Variants in LUC7L2 observed in about 807,000 individuals in gnomAD.
LUC7L2 encodes LUC7 like 2, pre-mRNA splicing factor.
Under a neutral mutation model 52.8 loss-of-function variants are expected in LUC7L2, and 25 were observed. The observed-to-expected ratio is 0.47, with a 90% confidence interval of 0.34 to 0.66. The LOEUF is 0.66. LUC7L2 is among the 30% of genes least tolerant of loss of function. The probability of loss-of-function intolerance (pLI) is 0.01; values close to 1 mark genes in which losing one functional copy is unlikely to be tolerated. For missense variants in LUC7L2, 328 were observed against 497.8 expected (o/e 0.66, Z 3.25); for synonymous variants, 144 against 160.9 (o/e 0.89, Z 0.80).
chr7:139,350,957 A>G (rs1416621022), intron 1 of LUC7L2, among the ~76,000 whole-genome samples: 2 of 152,162 alleles, frequency 1.3e-5, no homozygotes, highest in Non-Finnish European at 2.9e-5. Context: ...TACAGGTGTG[A>G]GCCACTGCGC....
chr7:139,420,314 T>C (rs1795838875), intron 9 of LUC7L2, among the ~76,000 whole-genome samples: 1 of 152,108 alleles, frequency 6.6e-6, no homozygotes, highest in Non-Finnish European at 1.5e-5. Context: ...AGCGATTCTT[T>C]TGCCTCGGCC....
intron 9 of LUC7L2, among the ~76,000 whole-genome samples, chr7:139,420,646 T>TACTC (rs1211090883): frequency 2.0e-5 from 3 of 152,256 alleles, no homozygotes; most frequent in Non-Finnish European, 4.4e-5. Flanking sequence ...TAGTAGTTGA[T>TACTC]ACTCATAGTT....
intron 2 of LUC7L2, among the ~76,000 whole-genome samples, chr7:139,381,815 A>G (rs1421357221): frequency 2.0e-5 from 3 of 150,078 alleles, no homozygotes; most frequent in African/African-American, 7.3e-5. Context: ...ACCTCAGGTG[A>G]TCTGCCCGCC....
At chr7:139,374,487 C>T in intron 1 of LUC7L2, 1 of 1,550,682 alleles carries the variant, frequency 6.4e-7, no homozygotes, top group Non-Finnish European at 8.7e-7. Flanking sequence ...TTATCGCTAA[C>T]TTTTCAGATG....
At chr7:139,374,995 C>G (rs899466343) in intron 1 of LUC7L2, 1 of 985,414 alleles carries the variant, frequency 1.0e-6, no homozygotes, top group Non-Finnish European at 1.2e-6. Context: ...ACCAATAGTT[C>G]TTGCTTCAGT....
At chr7:139,422,077 A>G (rs1206221034) in intron 9 of LUC7L2, 86 bp from the exon 10 acceptor site, 39 of 1,488,114 alleles carry the variant, frequency 2.6e-5, no homozygotes, top group African/African-American at 7.1e-5. Flanking sequence ...ATCTTCAGCT[A>G]TCAAGAGCTT....
chr7:139,361,715 A>G (rs1434280073), intron 1 of LUC7L2, among the ~76,000 whole-genome samples: 1 of 152,238 alleles, frequency 6.6e-6, no homozygotes, highest in Non-Finnish European at 1.5e-5. Flanking sequence ...TCACGTTTAG[A>G]TAAGAATGGT....
chr7:139,406,966 T>C (rs1253529428), intron 5 of LUC7L2, among the ~76,000 whole-genome samples: 1 of 150,428 alleles, frequency 6.6e-6, no homozygotes, highest in Non-Finnish European at 1.5e-5. Flanking sequence ...AAAGGGAACC[T>C]ATAATTTTCA....
chr7:139,350,279 G>A (rs879562162), intron 1 of LUC7L2, among the ~76,000 whole-genome samples: 259 of 151,686 alleles, frequency 1.7e-3, no homozygotes, highest in Non-Finnish European at 2.6e-3. Flanking sequence ...CCGCCACCAC[G>A]CCCGGCTAAT....
At chr7:139,396,098 C>CCTAA (rs955597673) in intron 2 of LUC7L2, among the ~76,000 whole-genome samples, 23 of 152,212 alleles carry the variant, frequency 1.5e-4, no homozygotes, top group African/African-American at 5.5e-4. Context: ...CTGGGAACTC[C>CCTAA]CTAACTCTGA....
chr7:139,400,086 GA>G (rs1171358904), intron 3 of LUC7L2, among the ~76,000 whole-genome samples: 4 of 152,110 alleles, frequency 2.6e-5, no homozygotes, highest in Non-Finnish European at 1.5e-5. Context: ...ATTGTTTTCA[GA>G]AATATAATTT....
intron 5 of LUC7L2, among the ~76,000 whole-genome samples, chr7:139,406,235 A>T (rs1199293219): frequency 6.6e-6 from 1 of 151,940 alleles, no homozygotes; most frequent in Non-Finnish European, 1.5e-5. Flanking sequence ...TATTTTTAGT[A>T]GAGACAGGGT....
chr7:139,414,754 C>A (rs1413370044), intron 8 of LUC7L2, among the ~76,000 whole-genome samples: 5 of 152,248 alleles, frequency 3.3e-5, no homozygotes, highest in Non-Finnish European at 7.3e-5. Flanking sequence ...GCACTCCTCT[C>A]TGAGATGACT....
At chr7:139,351,058 T>C (rs1320870202) in intron 1 of LUC7L2, among the ~76,000 whole-genome samples, 1 of 152,134 alleles carries the variant, frequency 6.6e-6, no homozygotes, top group African/African-American at 2.4e-5. Context: ...TTCCTCAGGG[T>C]CCAGACCAAG....
At chr7:139,365,409 C>T (rs542055688) in intron 1 of LUC7L2, among the ~76,000 whole-genome samples, 17 of 152,096 alleles carry the variant, frequency 1.1e-4, no homozygotes, top group South Asian at 6.2e-4. Context: ...CTTTTATTTT[C>T]GTTTAGGTTG....
intron 2 of LUC7L2, among the ~76,000 whole-genome samples, chr7:139,389,956 C>A (rs993615586): frequency 2.6e-5 from 4 of 152,102 alleles, no homozygotes; most frequent in Non-Finnish European, 5.9e-5. Context: ...TCACTTGAGG[C>A]CAGGAGTTAC....
At chr7:139,411,450 C>G (rs1168107817) in intron 7 of LUC7L2, among the ~76,000 whole-genome samples, 1 of 152,094 alleles carries the variant, frequency 6.6e-6, no homozygotes, top group Non-Finnish European at 1.5e-5. Flanking sequence ...AACCCCACCC[C>G]CACTCCACCC....
chr7:139,418,436 G>A (rs1795727680), intron 9 of LUC7L2, among the ~76,000 whole-genome samples: 1 of 152,222 alleles, frequency 6.6e-6, no homozygotes, highest in South Asian at 2.1e-4. Context: ...GGTAATTTCT[G>A]TGTAACGTAA....
intron 1 of LUC7L2, among the ~76,000 whole-genome samples, chr7:139,363,976 C>CTTTTTTTTTTTTTTTTTTTTT (rs1169793101): frequency 7.3e-5 from 7 of 96,098 alleles, no homozygotes; most frequent in African/African-American, 2.9e-4. Flanking sequence ...AGATTACATC[C>CTTTTTTTTTTTTTTTTTTTTT]TTTTTTTTTT....
Sources: gnomAD v4.1 joint callset for allele counts (sites outside exome capture counted in the v4.1 genomes callset) on GRCh38, gnomAD v4.1.1 for gene constraint, MANE v1.5 for transcripts, NCBI Gene and HGNC (gene_info 2026-07-23, HGNC 2026-07-21) for gene names.